XPA: variants seen among roughly 807,000 people sequenced by gnomAD.
The protein encoded by XPA is DNA repair protein complementing XP-A cells.
Under a neutral mutation model 35.7 loss-of-function variants are expected in XPA, and 27 were observed. That is an observed-to-expected ratio of 0.76 (90% CI 0.56 to 1.04). The LOEUF is 1.04. Ranked by LOEUF, XPA falls within the 50% of genes least tolerant of loss-of-function variation. XPA has a pLI of 0.00. For synonymous variants in XPA, 133 were observed against 118.4 expected (o/e 1.12, Z -0.80); for missense variants, 354 against 342.7 (o/e 1.03, Z -0.26).
rs144725456 is a variant in XPA, at chr9:97,675,530, T to C, written c.731A>G (p.His244Arg). 183 of 1,613,928 alleles carry C rather than the reference T, an allele frequency of 1.1e-4. No homozygotes were observed. Among genetic ancestry groups the C allele is most frequent in the Non-Finnish European group, 1.3e-4 (154 of 1,179,970 alleles). ...VWKRETIVHQHEYGPEENLED... is the reference protein window; with the variant it reads ...VWKRETIVHQREYGPEENLED... ...TAGGTTTTCTTCTGGTCCATACTCA[T>C]GTTGATGAACAATCGTCTCCCTTTT... The change falls in exon 6 of 6, where the codon CAT becomes CGT. Residue 244 changes from histidine to arginine, a missense_variant. His to Arg is a conservative substitution (Grantham distance 29). Transcript: ENST00000375128.
chr9:97,659,373 G>A, the XPA span, among the ~76,000 whole-genome samples: 1 of 152,246 alleles, frequency 6.6e-6, no homozygotes, highest in African/African-American at 2.4e-5. Flanking sequence ...TTGTGTAGAG[G>A]TTCTTTGTAT....
At chr9:97,667,414 A>T in the XPA span, among the ~76,000 whole-genome samples, 6 of 152,290 alleles carry the variant, frequency 3.9e-5, no homozygotes, top group Middle Eastern at 3.4e-3. Context: ...CCATAGTAGA[A>T]GGTGAAAAAA....
the XPA span, among the ~76,000 whole-genome samples, chr9:97,665,518 T>C: frequency 6.6e-6 from 1 of 152,198 alleles, no homozygotes; most frequent in East Asian, 1.9e-4. Context: ...ATCTGTTCTT[T>C]AACACCTAGC....
intron 4 of XPA, among the ~76,000 whole-genome samples, chr9:97,686,127 A>G (rs1420595208): frequency 6.6e-6 from 1 of 152,260 alleles, no homozygotes; most frequent in African/African-American, 2.4e-5. Context: ...TTGTTTTACA[A>G]TATGGCTTCT....
At chr9:97,675,741 TATACAAA>T in intron 5 of XPA, 154 bp from the exon 6 acceptor site, 1 of 994,484 alleles carries the variant, frequency 1.0e-6, no homozygotes, top group South Asian at 1.5e-5. Flanking sequence ...CAAAGTTGAT[TATACAAA>T]CTTGGCAAAC....
In XPA at chr9:97,675,208, G is replaced by T. The variant is rs998589594; in HGVS notation, c.*231C>A. 31 of 640,052 alleles carry T rather than the reference G, an allele frequency of 4.8e-5. No individual in the cohort carries two copies. Among genetic ancestry groups the T allele is most frequent in the Middle Eastern group, 4.1e-4 (1 of 2,458 alleles). 39.6% of individuals were successfully genotyped at this position (640,052 alleles called of 1,614,324 possible). On this transcript the variant is annotated 3_prime_UTR_variant, in exon 6 of 6. Coordinates refer to ENST00000375128, the MANE Select transcript of XPA (RefSeq NM_000380.4). The stretch of plus-strand genomic sequence containing the variant: ...CTAGCACTCAGCTCCCATCTCTGTT[G>T]TAAGAAGGCAATCACAGACATGACA...
chr9:97,684,776 A>G (rs1357297069), intron 5 of XPA, 147 bp downstream of exon 5: 8 of 728,938 alleles, frequency 1.1e-5, no homozygotes, highest in African/African-American at 1.8e-5. Flanking sequence ...AGACCAACAT[A>G]CTGAGGGCAA....
chr9:97,667,239 CT>C, the XPA span, among the ~76,000 whole-genome samples: 1 of 152,160 alleles, frequency 6.6e-6, no homozygotes, highest in Non-Finnish European at 1.5e-5. Flanking sequence ...ATACTTAACA[CT>C]TTCCCCGTAC....
At position 97,697,243 on chromosome 9, in the gene XPA, G is replaced by C; in HGVS notation, c.50C>G (p.Pro17Arg). ...CCGCACCGAGGCAGGCAGCTCCGCGGGTTGCTCTAAAGCCGCCGCCTCCGG... is the reference window on the plus strand; with the variant it reads ...CCGCACCGAGGCAGGCAGCTCCGCGCGTTGCTCTAAAGCCGCCGCCTCCGG... Reference protein sequence around the residue: ...ALPEAAALEQPAELPASVRAS... With the variant: ...ALPEAAALEQRAELPASVRAS... Residue 17 changes from proline (P) to arginine (R), a missense_variant, in exon 1 of 6, where the codon CCC (proline) becomes CGC (arginine). By Grantham distance (103) the Pro-to-Arg change is moderately radical (BLOSUM62 -2). Transcript: ENST00000375128. The C allele has an allele frequency of 6.2e-7, 1 of 1,600,582 alleles. No individual in the cohort carries two copies. Among genetic ancestry groups the C allele is most frequent in the South Asian group, 1.1e-5 (1 of 90,994 alleles).
At chr9:97,675,848 G>T in intron 5 of XPA, 1 of 528,630 alleles carries the variant, frequency 1.9e-6, no homozygotes, top group Non-Finnish European at 3.4e-6. Flanking sequence ...TATGTGGGTT[G>T]GTGGTATGCA....
chr9:97,671,386 G>A (rs1446067552), downstream of XPA: 12 of 533,392 alleles, frequency 2.2e-5, no homozygotes, highest in Admixed American at 1.7e-4. Context: ...ACTTCCTAAC[G>A]GCAGTAATGT....
At chr9:97,686,391 G>T (rs1828717943) in intron 4 of XPA, among the ~76,000 whole-genome samples, 1 of 152,192 alleles carries the variant, frequency 6.6e-6, no homozygotes, top group South Asian at 2.1e-4. Flanking sequence ...GAGACGATCT[G>T]CTCTGAGATT....
downstream of XPA, among the ~76,000 whole-genome samples, chr9:97,670,694 T>C (rs1434622768): frequency 6.6e-6 from 1 of 152,220 alleles, no homozygotes; most frequent in East Asian, 1.9e-4. Context: ...GTTTTCTGAC[T>C]GTTTATCTTC....
At chr9:97,667,153 C>G in the XPA span, among the ~76,000 whole-genome samples, 1 of 152,086 alleles carries the variant, frequency 6.6e-6, no homozygotes, top group Non-Finnish European at 1.5e-5. Context: ...CACGTTTGCA[C>G]AAGGGAAGTA....
the XPA span, among the ~76,000 whole-genome samples, chr9:97,669,168 TTTAC>T: frequency 9.2e-5 from 14 of 152,062 alleles, no homozygotes; most frequent in African/African-American, 3.4e-4. Flanking sequence ...TTCTCTGCTG[TTTAC>T]TTAGTATTCT....
At chr9:97,670,358 A>C (rs1828152337), downstream of XPA, among the ~76,000 whole-genome samples, 1 of 152,234 alleles carries the variant, frequency 6.6e-6, no homozygotes, top group Non-Finnish European at 1.5e-5. Context: ...AACTGTCCAC[A>C]GAATCAAGGT....
intron 4 of XPA, among the ~76,000 whole-genome samples, chr9:97,685,783 A>C (rs1194949291): frequency 6.6e-6 from 1 of 152,214 alleles, no homozygotes; most frequent in Non-Finnish European, 1.5e-5. Flanking sequence ...ACATCCCTGA[A>C]AATGCTGCAT....
In XPA at chr9:97,675,390, CCTTT is replaced by C; in HGVS notation, c.*45_*48del. On this transcript the variant is annotated 3_prime_UTR_variant, in exon 6 of 6. Transcript: ENST00000375128. ...TTTTGAAAAGGACCAATCTAAATTT[CCTTT>C]ATTTAAATATAAAATTCTATAAAAC... The C allele has an allele frequency of 1.9e-6, 3 of 1,541,376 alleles. No individual in the cohort carries two copies. The highest frequency in any genetic ancestry group is 2.4e-5 in the East Asian group (1 of 42,004).
the XPA span, among the ~76,000 whole-genome samples, chr9:97,654,523 C>T: frequency 6.6e-6 from 1 of 150,444 alleles, no homozygotes; most frequent in Non-Finnish European, 1.5e-5. Context: ...AAAATGGTGC[C>T]AGTAGACTTG....
Sources: gnomAD v4.1 joint callset for allele counts (sites outside exome capture counted in the v4.1 genomes callset) on GRCh38, gnomAD v4.1.1 for gene constraint, MANE v1.5 for transcripts, NCBI Gene and HGNC (gene_info 2026-07-23, HGNC 2026-07-21) for gene names.